Variants in CDK14 observed in about 807,000 individuals in gnomAD.
The protein encoded by CDK14 is cyclin-dependent kinase 14.
In CDK14, 34 loss-of-function variants were observed where a neutral mutation model predicts 60.7. The observed-to-expected ratio is 0.56, with a 90% CI of 0.43 to 0.75. The LOEUF (loss-of-function observed/expected upper bound fraction) is 0.75, where lower values mean the gene tolerates loss of function less well. CDK14 is among the 30% of genes least tolerant of loss of function. The probability of loss-of-function intolerance (pLI) is 0.00; values close to 1 mark genes in which losing one functional copy is unlikely to be tolerated. For missense variants in CDK14, 482 were observed against 564.1 expected, an observed-to-expected ratio of 0.85 and a Z score of 1.47; for synonymous variants, 197 against 203.7, an observed-to-expected ratio of 0.97 and a Z score of 0.28.
At chr7:90,698,086 A>G (rs909187423) in intron 2 of CDK14, among the ~76,000 whole-genome samples, 2 of 150,066 alleles carry the variant, frequency 1.3e-5, no homozygotes, top group Non-Finnish European at 3.0e-5. Context: ...AAAAAAAAAA[A>G]AAAGAAAAAG....
chr7:90,895,499 TCCTCTCCTCCCTTCC>T (rs1160178491), intron 6 of CDK14, among the ~76,000 whole-genome samples: 6 of 23,480 alleles, frequency 2.6e-4, no homozygotes, highest in African/African-American at 7.3e-4. Context: ...TCCTCTCCTC[TCCTCTCCTCCCTTCC>T]CCTCCCTTCC....
intron 9 of CDK14, among the ~76,000 whole-genome samples, chr7:90,975,491 A>G (rs1795042637): frequency 6.6e-6 from 1 of 151,660 alleles, no homozygotes; most frequent in African/African-American, 2.4e-5. Context: ...GAAACATTCA[A>G]TATCTTCCTT....
intron 9 of CDK14, among the ~76,000 whole-genome samples, chr7:90,970,807 AT>A (rs1428301269): frequency 6.6e-6 from 1 of 152,134 alleles, no homozygotes; most frequent in Non-Finnish European, 1.5e-5. Flanking sequence ...TACTGAGTTG[AT>A]TTTTTTATTA....
At chr7:90,649,767 A>G (rs1410910455) in intron 2 of CDK14, among the ~76,000 whole-genome samples, 2 of 151,966 alleles carry the variant, frequency 1.3e-5, no homozygotes, top group Non-Finnish European at 2.9e-5. Flanking sequence ...AGCTTCATCC[A>G]TGTCCCTGCA....
intron 5 of CDK14, among the ~76,000 whole-genome samples, chr7:90,860,431 G>T (rs114405963): frequency 6.6e-6 from 1 of 151,682 alleles, no homozygotes; most frequent in Non-Finnish European, 1.5e-5. Context: ...GTCTTTTGTG[G>T]TATTATTTAT....
intron 5 of CDK14, among the ~76,000 whole-genome samples, chr7:90,806,367 G>A (rs1289942335): frequency 6.6e-6 from 1 of 152,032 alleles, no homozygotes; most frequent in Admixed American, 6.6e-5. Flanking sequence ...ATAATATATT[G>A]GATAAAGGAT....
intron 11 of CDK14, among the ~76,000 whole-genome samples, chr7:91,063,662 G>A (rs1797877514): frequency 1.3e-5 from 2 of 152,190 alleles, no homozygotes; most frequent in African/African-American, 4.8e-5. Flanking sequence ...TAGAATCACA[G>A]GATTATATAT....
At chr7:91,005,564 A>G (rs1795961083) in intron 10 of CDK14, among the ~76,000 whole-genome samples, 1 of 152,204 alleles carries the variant, frequency 6.6e-6, no homozygotes, top group East Asian at 1.9e-4. Context: ...ACCAAAGGAG[A>G]AATAAATCAA....
At chr7:91,158,416 C>T (rs533819342) in intron 14 of CDK14, among the ~76,000 whole-genome samples, 1 of 151,728 alleles carries the variant, frequency 6.6e-6, no homozygotes, top group Non-Finnish European at 1.5e-5. Context: ...AGGGTTTTGC[C>T]GTGTTTCTCA....
At chr7:91,087,698 A>C (rs1292652158) in intron 12 of CDK14, among the ~76,000 whole-genome samples, 1 of 152,136 alleles carries the variant, frequency 6.6e-6, no homozygotes, top group African/African-American at 2.4e-5. Flanking sequence ...TTCAGCTCCG[A>C]ATAAGCAATT....
chr7:90,757,232 G>C (rs1035575841), intron 4 of CDK14, among the ~76,000 whole-genome samples: 7 of 146,714 alleles, frequency 4.8e-5, no homozygotes, highest in African/African-American at 9.9e-5. Context: ...GTGTGTGTGT[G>C]TGTGTGTGTG....
At chr7:90,658,711 T>C (rs1025839136) in intron 2 of CDK14, among the ~76,000 whole-genome samples, 1 of 152,212 alleles carries the variant, frequency 6.6e-6, no homozygotes, top group Non-Finnish European at 1.5e-5. Flanking sequence ...GCTGGAGATA[T>C]GGGTTGTTAT....
chr7:90,698,563 T>G (rs1172326623), intron 2 of CDK14, among the ~76,000 whole-genome samples: 1 of 152,220 alleles, frequency 6.6e-6, no homozygotes, highest in Non-Finnish European at 1.5e-5. Flanking sequence ...ATTTTATTCC[T>G]CCTTTGATCA....
chr7:91,159,318 C>T (rs803169), intron 14 of CDK14, among the ~76,000 whole-genome samples: 48,164 of 151,972 alleles, frequency 0.32, 7,850 homozygotes, highest in East Asian at 0.39. Context: ...ATAGATTGGC[C>T]TGTTAACTAA....
intron 2 of CDK14, among the ~76,000 whole-genome samples, chr7:90,718,964 C>T (rs757411160): frequency 7.2e-5 from 11 of 152,084 alleles, no homozygotes; most frequent in South Asian, 6.2e-4. Flanking sequence ...TGTTCTGTAA[C>T]GCTTAAAGTT....
At chr7:90,945,302 C>G (rs536208149) in intron 8 of CDK14, among the ~76,000 whole-genome samples, 1 of 152,166 alleles carries the variant, frequency 6.6e-6, no homozygotes, top group African/African-American at 2.4e-5. Context: ...TCATCTAATT[C>G]GCACAAATAC....
chr7:91,043,409 A>G (rs1797143978), intron 10 of CDK14, among the ~76,000 whole-genome samples: 2 of 152,208 alleles, frequency 1.3e-5, no homozygotes, highest in Non-Finnish European at 2.9e-5. Flanking sequence ...CTTTGTTGCT[A>G]AAGTTTAGTA....
chr7:90,652,818 C>G (rs1053976468), intron 2 of CDK14, among the ~76,000 whole-genome samples: 1 of 152,178 alleles, frequency 6.6e-6, no homozygotes, highest in African/African-American at 2.4e-5. Context: ...CACACATCTA[C>G]AAAGTGACGG....
intron 6 of CDK14, among the ~76,000 whole-genome samples, chr7:90,872,464 A>T (rs977836015): frequency 6.6e-6 from 1 of 152,154 alleles, no homozygotes; most frequent in African/African-American, 2.4e-5. Context: ...TAAAGAAATA[A>T]AAAGGAAACA....
Sources: gnomAD v4.1 joint callset for allele counts (sites outside exome capture counted in the v4.1 genomes callset) on GRCh38, gnomAD v4.1.1 for gene constraint, MANE v1.5 for transcripts, NCBI Gene and HGNC (gene_info 2026-07-23, HGNC 2026-07-21) for gene names.